PKNOX2: variants seen among roughly 807,000 people sequenced by gnomAD.
PKNOX2 encodes the protein PBX/knotted 1 homeobox 2, also known as homeobox protein PKNOX2.
Under a neutral mutation model 53.1 loss-of-function variants are expected in PKNOX2, and 14 were observed. That is an observed-to-expected ratio of 0.26 (90% CI 0.17 to 0.41). PKNOX2 has a LOEUF of 0.41. PKNOX2 is among the 10% of genes least tolerant of loss of function. The probability of loss-of-function intolerance (pLI) is 1.00; values close to 1 mark genes in which losing one functional copy is unlikely to be tolerated. For synonymous variants in PKNOX2, 257 were observed against 242.8 expected (o/e 1.06, Z -0.54); for missense variants, 496 against 602.8 (o/e 0.82, Z 1.85).
chr11:125,266,049 A>G (rs1945315416), intron 2 of PKNOX2, among the ~76,000 whole-genome samples: 1 of 152,180 alleles, frequency 6.6e-6, no homozygotes, highest in Admixed American at 6.5e-5. Context: ...GAGGCAGGTC[A>G]CTTCACCCCT....
At chr11:125,395,085 C>T (rs757162080) in intron 6 of PKNOX2, among the ~76,000 whole-genome samples, 5 of 152,196 alleles carry the variant, frequency 3.3e-5, no homozygotes, top group Admixed American at 2.6e-4. Context: ...TCCACTCTAC[C>T]GCTGTCAACC....
intron 1 of PKNOX2, among the ~76,000 whole-genome samples, chr11:125,204,057 A>T (rs976943102): frequency 6.6e-6 from 1 of 152,112 alleles, no homozygotes; most frequent in Non-Finnish European, 1.5e-5. Context: ...GGGGGGAGGC[A>T]GGGAGAGAGG....
chr11:125,180,032 G>A (rs778538172), intron 1 of PKNOX2, among the ~76,000 whole-genome samples: 2 of 152,076 alleles, frequency 1.3e-5, no homozygotes, highest in East Asian at 1.9e-4. Flanking sequence ...ACACGCACAC[G>A]GGCCTTCTAG....
chr11:125,183,066 G>A (rs1465765532), intron 1 of PKNOX2, among the ~76,000 whole-genome samples: 1 of 152,126 alleles, frequency 6.6e-6, no homozygotes, highest in Non-Finnish European at 1.5e-5. Context: ...TAACTCATTC[G>A]AAGCTCCACT....
intron 1 of PKNOX2, among the ~76,000 whole-genome samples, chr11:125,187,755 G>A (rs1956546568): frequency 6.6e-6 from 1 of 152,052 alleles, no homozygotes; most frequent in Non-Finnish European, 1.5e-5. Context: ...CTGATCTTAG[G>A]AGGAAAGCTT....
chr11:125,264,863 C>G (rs924479185), intron 2 of PKNOX2, among the ~76,000 whole-genome samples: 1 of 152,154 alleles, frequency 6.6e-6, no homozygotes, highest in African/African-American at 2.4e-5. Flanking sequence ...CCATCCTCCC[C>G]TGGCCCCATC....
chr11:125,215,393 T>C lies in PKNOX2; in HGVS notation c.-200-19652T>C, dbSNP rs116948068. On this transcript the variant is annotated intron_variant, in intron 1 of 12. Transcript: ENST00000298282. ...CTTCGTGCCTTACTTTTCTCACCTG[T>C]AAAACGAGCATAACTTGCCCAAGGT... Among the ~76,000 whole-genome samples the C allele has an allele frequency of 1.1e-4, 16 of 152,160 alleles. No homozygotes were observed. The East Asian group carries it at 3.1e-3, about 29-fold the overall frequency.
intron 5 of PKNOX2, among the ~76,000 whole-genome samples, chr11:125,371,058 G>A (rs1333003575): frequency 6.6e-6 from 1 of 152,202 alleles, no homozygotes; most frequent in Non-Finnish European, 1.5e-5. Context: ...ATGAGGATGT[G>A]TTAATGAAAT....
chr11:125,171,769 G>A (rs577255035), intron 1 of PKNOX2, among the ~76,000 whole-genome samples: 3 of 152,352 alleles, frequency 2.0e-5, no homozygotes, highest in African/African-American at 7.2e-5. Flanking sequence ...CAATGCTGTG[G>A]CCTGGTGCTG....
At chr11:125,167,365 C>T (rs1414962586) in intron 1 of PKNOX2, among the ~76,000 whole-genome samples, 1 of 152,158 alleles carries the variant, frequency 6.6e-6, no homozygotes, top group African/African-American at 2.4e-5. Flanking sequence ...CCTCGGCGGC[C>T]CGGGGCGCGG....
At chr11:125,301,432 C>T (rs1948060797) in intron 2 of PKNOX2, among the ~76,000 whole-genome samples, 1 of 151,800 alleles carries the variant, frequency 6.6e-6, no homozygotes, top group Admixed American at 6.6e-5. Context: ...AGTGTAGTAT[C>T]TGATTTCACT....
chr11:125,351,267 C>T lies in PKNOX2; in HGVS notation c.-22-17C>T, dbSNP rs1159393199. ...TCAGCGGTGTTAACGGTGCGGCCCC[C>T]TTTCTCCTGCCCACAGGTCCTCCAT... On this transcript the variant is annotated splice_polypyrimidine_tract_variant and intron_variant, in intron 3 of 12. Coordinates refer to ENST00000298282, the MANE Select transcript of PKNOX2 (RefSeq NM_001382323.2). 8.8e-7 allele frequency: 1 copy of T among 1,139,432 alleles called. No individual in the cohort carries two copies. The highest frequency in any genetic ancestry group is 1.8e-5 in the Admixed American group (1 of 54,978). The allele number at this position is 1,139,432 out of a possible 1,614,324, so 70.6% of individuals were successfully genotyped here. A position where few individuals can be genotyped will look rare whatever the true frequency, so the allele number is the denominator to read the frequency against.
At chr11:125,423,858 G>A (rs1402599643) in intron 10 of PKNOX2, among the ~76,000 whole-genome samples, 2 of 152,190 alleles carry the variant, frequency 1.3e-5, no homozygotes, top group Non-Finnish European at 2.9e-5. Flanking sequence ...AAACCAGAGG[G>A]AAAGAGAATA....
rs181502582 is a variant in PKNOX2, at chr11:125,409,193, A to G, written c.589-1003A>G. 1.0e-3 allele frequency among the ~76,000 whole-genome samples: 155 copies of G among 152,208 alleles called. 1 individual carries two copies. The highest frequency in any genetic ancestry group is 3.5e-3 in the African/African-American group (144 of 41,524). On this transcript the variant is annotated intron_variant, in intron 7 of 12. Coordinates refer to ENST00000298282, the MANE Select transcript of PKNOX2 (RefSeq NM_001382323.2). ...CTCTCCCACATCCTATTCCTTCCTC[A>G]CAAATTCTCTCCAAGCACCCAGCCT...
chr11:125,276,538 A>G (rs1746009132), intron 2 of PKNOX2, among the ~76,000 whole-genome samples: 1 of 152,222 alleles, frequency 6.6e-6, no homozygotes, highest in African/African-American at 2.4e-5. Flanking sequence ...GCAGGATGGC[A>G]TGGCCTGAGT....
At chr11:125,357,504 T>A (rs1049184563) in intron 4 of PKNOX2, among the ~76,000 whole-genome samples, 1 of 152,166 alleles carries the variant, frequency 6.6e-6, no homozygotes, top group East Asian at 1.9e-4. Flanking sequence ...GCAGAACGAA[T>A]GAATGCCCTA....
rs183536837 is a variant in PKNOX2 at position 125,334,249 on chromosome 11, G to T, written c.-23+2324G>T. ...AGGAACTCTGCTAGGGAGAAAGGGA[G>T]CCCCAAATGCTGATATCCTCTGAGG... On this transcript the variant is annotated intron_variant, in intron 3 of 12. Coordinates refer to ENST00000298282, the MANE Select transcript of PKNOX2 (RefSeq NM_001382323.2). 4.6e-4 allele frequency among the ~76,000 whole-genome samples: 70 copies of T among 152,304 alleles called. 1 individual carries two copies. Among genetic ancestry groups the T allele is most frequent in the Admixed American group, 1.4e-3 (21 of 15,292 alleles).
intron 4 of PKNOX2, among the ~76,000 whole-genome samples, chr11:125,364,380 G>A (rs775961939): frequency 3.9e-5 from 6 of 152,170 alleles, no homozygotes; most frequent in Non-Finnish European, 8.8e-5. Flanking sequence ...CCTCTCAGCT[G>A]GGGCCTCTTG....
rs572192720 is a variant in PKNOX2, at chr11:125,376,370, G to T, written c.227+8385G>T. ...GTAAAAATACATCCAACCAGGGGCC[G>T]CTGGCTCGCTCCCACCCCCCTCTGT... is the stretch of plus-strand genomic sequence containing the variant. On this transcript the variant is annotated intron_variant, in intron 5 of 12. Transcript: ENST00000298282. 5.3e-5 allele frequency among the ~76,000 whole-genome samples: 8 copies of T among 152,308 alleles called. No individual in the cohort carries two copies. The South Asian group carries it at 8.3e-4, about 16-fold the overall frequency.
Sources: gnomAD v4.1 joint callset for allele counts (sites outside exome capture counted in the v4.1 genomes callset) on GRCh38, gnomAD v4.1.1 for gene constraint, MANE v1.5 for transcripts, NCBI Gene and HGNC (gene_info 2026-07-23, HGNC 2026-07-21) for gene names.